The following KIF18A variants were observed in gnomAD, a reference collection of about 807,000 sequenced individuals.
The protein encoded by KIF18A is kinesin family member 18A.
A neutral mutation model predicts 103.3 loss-of-function variants in KIF18A; 67 were observed. The observed-to-expected ratio is 0.65, with a 90% CI of 0.53 to 0.79. The LOEUF (loss-of-function observed/expected upper bound fraction) is 0.79. Among genes scored for constraint, KIF18A ranks in the 30% least tolerant of loss-of-function variants. The probability of loss-of-function intolerance (pLI) is 0.00; values close to 1 mark genes in which losing one functional copy is unlikely to be tolerated. For synonymous variants in KIF18A, 367 were observed against 355.5 expected, an observed-to-expected ratio of 1.03 and a Z score of -0.36; for missense variants, 1,032 against 1,062.5, an observed-to-expected ratio of 0.97 and a Z score of 0.40.
intron 13 of KIF18A, among the ~76,000 whole-genome samples, chr11:28,047,533 T>C (rs1423081635): frequency 6.6e-6 from 1 of 152,160 alleles, no homozygotes; most frequent in Non-Finnish European, 1.5e-5. Flanking sequence ...TAGATGGTTT[T>C]AGTGTTTATT....
Position 28,091,141 on chromosome 11 carries a change from AATAAATAAATAC to A in KIF18A, c.588+256_588+267del, listed in dbSNP as rs1157173422. ...CGGTCACAAAATAAATAAATAAATA[AATAAATAAATAC>A]ATACATACATACATACATACATACA... is the stretch of plus-strand genomic sequence containing the variant. On this transcript the variant is annotated intron_variant, in intron 4 of 16. Transcript: ENST00000263181. 7.9e-4 allele frequency among the ~76,000 whole-genome samples: 101 copies of A among 128,532 alleles called. No homozygotes were observed. The South Asian group carries it at 8.5e-3, about 11-fold the overall frequency. 84.3% of individuals were successfully genotyped at this position (128,532 alleles called of 152,430 possible).
At chr11:28,024,203 A>AC in intron 15 of KIF18A, among the ~76,000 whole-genome samples, 1 of 151,330 alleles carries the variant, frequency 6.6e-6, no homozygotes, top group East Asian at 1.9e-4. Flanking sequence ...AAAAAAAAAA[A>AC]AAAAAAAACT....
At chr11:28,096,173 C>CAAAAAAA (rs1156735166) in intron 2 of KIF18A, among the ~76,000 whole-genome samples, 9 of 49,686 alleles carry the variant, frequency 1.8e-4, no homozygotes, top group East Asian at 2.0e-3. Flanking sequence ...AAGACTTCAT[C>CAAAAAAA]AAAAAAAAAA....
chr11:28,028,901 C>G (rs1223417998), intron 15 of KIF18A, among the ~76,000 whole-genome samples: 1 of 152,068 alleles, frequency 6.6e-6, no homozygotes, highest in African/African-American at 2.4e-5. Flanking sequence ...CTACAAACAC[C>G]TCTATGCAAA....
At position 28,084,656 on chromosome 11, in the gene KIF18A, G is replaced by A. The variant is rs1851204385; in HGVS notation, c.1050C>T (p.Asn350=). The part of the protein sequence containing the change: ...DDTYNTLKYA[N]RAKDIKSSLK... ...CAGAAGATTTAATGTCCTTTGCCCG[G>A]TTAGCATACTTAAGAGTGTTATATG... Residue 350 remains asparagine, a synonymous_variant, in exon 7 of 17, where the codon AAC becomes AAT. Transcript: ENST00000263181. The A allele has an allele frequency of 5.0e-6, 8 of 1,611,426 alleles. No individual in the cohort carries two copies. Among genetic ancestry groups the A allele is most frequent in the Non-Finnish European group, 5.9e-6 (7 of 1,178,066 alleles).
At chr11:28,058,779 T>C (rs1850819015) in intron 13 of KIF18A, 147 bp downstream of exon 13, 2 of 618,826 alleles carry the variant, frequency 3.2e-6, no homozygotes, top group Non-Finnish European at 2.8e-6. Context: ...AAGATACTGG[T>C]TAATTGAAAT....
chr11:28,106,860 A>G lies in KIF18A; in HGVS notation c.-47+1204T>C, dbSNP rs542297201. Among the ~76,000 whole-genome samples the G allele has an allele frequency of 5.0e-4, 76 of 152,042 alleles. 1 individual carries two copies. The highest frequency in any genetic ancestry group is 3.4e-3 in the Middle Eastern group (1 of 294). ...GTGGCAAACGCCTGTAATCCCAGCT[A>G]CTCGGGAGGCTGAGGCACGAGAATT... On this transcript the variant is annotated intron_variant, in intron 1 of 16. Transcript: ENST00000263181.
chr11:28,049,615 G>A (rs1280613299), intron 13 of KIF18A, among the ~76,000 whole-genome samples: 1 of 151,956 alleles, frequency 6.6e-6, no homozygotes, highest in East Asian at 1.9e-4. Flanking sequence ...CGATGGCAAG[G>A]ATTCTTCCTT....
In KIF18A at chr11:28,023,940, A is replaced by T. The variant is rs1036397464; in HGVS notation, c.2505-90T>A. ...TTGTACATGCGACAATGATTAAAGA[A>T]ATAAAACACAAAAATATTAAGTTGT... On this transcript the variant is annotated intron_variant, in intron 15 of 16. Coordinates refer to ENST00000263181, the MANE Select transcript of KIF18A (RefSeq NM_031217.4). 2.4e-5 allele frequency: 13 copies of T among 545,150 alleles called. No homozygotes were observed. In the African/African-American group the frequency reaches 2.5e-4, roughly 11 times the overall value. 33.8% of individuals were successfully genotyped at this position (545,150 alleles called of 1,614,324 possible).
intron 1 of KIF18A, among the ~76,000 whole-genome samples, chr11:28,107,296 T>G (rs1851536665): frequency 6.6e-6 from 1 of 152,096 alleles, no homozygotes. Context: ...AATCAGTTCA[T>G]TCTGGTCAAA....
intron 1 of KIF18A, among the ~76,000 whole-genome samples, chr11:28,103,263 G>A (rs866495073): frequency 1.9e-4 from 29 of 151,212 alleles, no homozygotes; most frequent in African/African-American, 6.8e-4. Context: ...ATGCTCATTA[G>A]AGTATTTTGG....
At position 28,084,569 on chromosome 11, in the gene KIF18A, T is replaced by C. The variant is rs958541989; in HGVS notation, c.1074+63A>G. 6.1e-6 allele frequency: 8 copies of C among 1,319,740 alleles called. No individual in the cohort carries two copies. In the African/African-American group the frequency reaches 1.2e-4, roughly 20 times the overall value. 81.8% of individuals were successfully genotyped at this position (1,319,740 alleles called of 1,614,324 possible). A position where few individuals can be genotyped will look rare whatever the true frequency, so the allele number is the denominator to read the frequency against. Reference sequence around the variant, plus strand: ...ACATAACCTGAATTAATACTTTCATTACAATTATAAAAATCATATGCAGAC... The same window carrying C: ...ACATAACCTGAATTAATACTTTCATCACAATTATAAAAATCATATGCAGAC... On this transcript the variant is annotated intron_variant, in intron 7 of 16. Transcript: ENST00000263181.
chr11:28,090,370 A>G (rs1851285181), intron 5 of KIF18A, among the ~76,000 whole-genome samples: 1 of 152,236 alleles, frequency 6.6e-6, no homozygotes, highest in African/African-American at 2.4e-5. Context: ...CAGCAAAAAC[A>G]AAACTTTTAT....
chr11:28,080,094 A>G (rs573019685), intron 9 of KIF18A, among the ~76,000 whole-genome samples: 8 of 152,276 alleles, frequency 5.3e-5, no homozygotes, highest in Non-Finnish European at 1.2e-4. Flanking sequence ...TACATGAAAT[A>G]TACAAATAAT....
chr11:28,097,331 G>A (rs1272704726), intron 2 of KIF18A: 2 of 274,064 alleles, frequency 7.3e-6, no homozygotes, highest in Non-Finnish European at 1.4e-5. Flanking sequence ...GAAAACTGAT[G>A]TTAATTGCAA....
Position 28,097,892 on chromosome 11 carries a change from C to T in KIF18A, c.56G>A (p.Arg19His), listed in dbSNP as rs1356270287. 9.3e-6 allele frequency: 15 copies of T among 1,607,164 alleles called. No homozygotes were observed. Among genetic ancestry groups the T allele is most frequent in the South Asian group, 2.2e-5 (2 of 89,064 alleles). ...TGCTTTTTCTTTAGTGTTTTCCGGACGTACACGAACTACTACTTTCATATG... is the reference window on the plus strand; with the variant it reads ...TGCTTTTTCTTTAGTGTTTTCCGGATGTACACGAACTACTACTTTCATATG... The part of the protein sequence containing the change: ...CHHMKVVVRV[R>H]PENTKEKAAG... Residue 19 changes from arginine to histidine, a missense_variant, in exon 2 of 17, where the codon CGT becomes CAT. By Grantham distance (29) the Arg-to-His change is conservative. Coordinates refer to ENST00000263181, the MANE Select transcript of KIF18A (RefSeq NM_031217.4).
intron 15 of KIF18A, among the ~76,000 whole-genome samples, chr11:28,027,191 C>A (rs1478758958): frequency 6.6e-6 from 1 of 151,692 alleles, no homozygotes; most frequent in Non-Finnish European, 1.5e-5. Flanking sequence ...ATAAACTTTT[C>A]TCCCCATAAT....
At chr11:28,068,058 T>C (rs976518182) in intron 11 of KIF18A, among the ~76,000 whole-genome samples, 1 of 152,146 alleles carries the variant, frequency 6.6e-6, no homozygotes, top group African/African-American at 2.4e-5. Context: ...AAAAGGTATA[T>C]TGCACATATA....
chr11:28,076,928 T>A (rs531197659), intron 10 of KIF18A, 79 bp downstream of exon 10: 28 of 687,500 alleles, frequency 4.1e-5, no homozygotes, highest in Non-Finnish European at 3.3e-5. Context: ...AAGAAGAGAC[T>A]CCTTCTGAAA....
Sources: allele counts gnomAD v4.1 joint callset (sites outside exome capture counted in the v4.1 genomes callset), GRCh38; gene constraint gnomAD v4.1.1; transcripts MANE v1.5; gene names NCBI Gene and HGNC (gene_info 2026-07-23, HGNC 2026-07-21).